Variants in RARB observed in about 807,000 individuals in gnomAD.
The protein encoded by RARB is retinoic acid receptor beta, also known as HBV-activated protein.
Under a neutral mutation model 51.9 loss-of-function variants are expected in RARB, and 17 were observed. That is an observed-to-expected ratio of 0.33 (90% CI 0.22 to 0.49). The LOEUF is 0.49. Ranked by LOEUF, RARB falls within the 20% of genes least tolerant of loss-of-function variation. RARB has a pLI of 0.99. For synonymous variants in RARB, 215 were observed against 195.4 expected, an observed-to-expected ratio of 1.10 and a Z score of -0.84; for missense variants, 369 against 550.8, an observed-to-expected ratio of 0.67 and a Z score of 3.30.
chr3:25,420,471 G>A (rs935057923), intron 5 of RARB, among the ~76,000 whole-genome samples: 4 of 152,170 alleles, frequency 2.6e-5, no homozygotes, highest in African/African-American at 9.7e-5. Context: ...GCTCTCTCCA[G>A]CCACAACCTG....
At chr3:25,141,676 C>A (rs1232466645) in intron 4 of RARB, among the ~76,000 whole-genome samples, 8 of 152,122 alleles carry the variant, frequency 5.3e-5, no homozygotes, top group Non-Finnish European at 8.8e-5. Context: ...GCTTTCTGCA[C>A]CTGTATATTT....
rs142203367 is a variant in RARB at position 25,403,775 on chromosome 3, G to A, written c.179-57418G>A. ...AATCTGGCTTCTTTGACATTTGAGC[G>A]CTATTATTTAGCACTGTTACTTTCA... On this transcript the variant is annotated intron_variant, in intron 5 of 11. Coordinates refer to the RARB transcript ENST00000383772. 6.3e-3 allele frequency among the ~76,000 whole-genome samples: 925 copies of A among 147,230 alleles called. 6 individuals are homozygous for A. Among genetic ancestry groups the A allele is most frequent in the Middle Eastern group, 0.026 (7 of 272 alleles).
At chr3:25,175,277 G>T (rs1230145846) in intron 5 of RARB, among the ~76,000 whole-genome samples, 1 of 152,200 alleles carries the variant, frequency 6.6e-6, no homozygotes, top group African/African-American at 2.4e-5. Flanking sequence ...GTGGTAGCCA[G>T]CGAGCTTTTC....
At chr3:25,182,573 A>G (rs1021913904) in intron 5 of RARB, among the ~76,000 whole-genome samples, 2 of 152,206 alleles carry the variant, frequency 1.3e-5, no homozygotes, top group African/African-American at 4.8e-5. Context: ...TTTAACACAT[A>G]AGGGTTGTGT....
chr3:25,109,600 T>C (rs969761177), intron 3 of RARB, among the ~76,000 whole-genome samples: 1 of 152,222 alleles, frequency 6.6e-6, no homozygotes, highest in Admixed American at 6.5e-5. Flanking sequence ...CTCTCTGTTT[T>C]GTCTTGCTGA....
At chr3:25,153,301 C>G (rs1700322345) in intron 4 of RARB, among the ~76,000 whole-genome samples, 1 of 152,160 alleles carries the variant, frequency 6.6e-6, no homozygotes, top group South Asian at 2.1e-4. Flanking sequence ...CATCCGCAGA[C>G]TTTTAACAAG....
At chr3:25,224,700 T>G (rs151249196) in intron 5 of RARB, among the ~76,000 whole-genome samples, 2 of 152,114 alleles carry the variant, frequency 1.3e-5, no homozygotes, top group South Asian at 4.1e-4. Context: ...CTCAACCTCC[T>G]GGGCTCAAGC....
At chr3:24,934,372 A>G (rs953979623) in intron 2 of RARB, among the ~76,000 whole-genome samples, 4 of 152,148 alleles carry the variant, frequency 2.6e-5, no homozygotes, top group Non-Finnish European at 5.9e-5. Flanking sequence ...TTTTTCTGGT[A>G]AGAATAGCTC....
At chr3:24,892,077 G>C (rs541807516) in intron 2 of RARB, among the ~76,000 whole-genome samples, 1 of 152,088 alleles carries the variant, frequency 6.6e-6, no homozygotes, top group Non-Finnish European at 1.5e-5. Flanking sequence ...CAGATGATGG[G>C]TTAAGCCATC....
At chr3:25,088,058 G>C (rs1012730746) in intron 3 of RARB, among the ~76,000 whole-genome samples, 1 of 151,894 alleles carries the variant, frequency 6.6e-6, no homozygotes, top group South Asian at 2.1e-4. Context: ...TGCTAGCAAA[G>C]AAACCAAAAA....
At chr3:25,191,582 G>T (rs1317766076) in intron 5 of RARB, among the ~76,000 whole-genome samples, 1 of 152,126 alleles carries the variant, frequency 6.6e-6, no homozygotes, top group Admixed American at 6.6e-5. Context: ...TAAGTGAAAA[G>T]ATCCATATTG....
chr3:25,077,848 G>A (rs779606607), intron 3 of RARB, among the ~76,000 whole-genome samples: 5 of 152,164 alleles, frequency 3.3e-5, no homozygotes, highest in African/African-American at 7.2e-5. Context: ...TCTCACCAAC[G>A]TGCATTATTG....
chr3:25,553,360 T>G (rs1407939786), intron 3 of RARB, among the ~76,000 whole-genome samples: 1 of 152,200 alleles, frequency 6.6e-6, no homozygotes, highest in East Asian at 1.9e-4. Context: ...AACTTTTCTT[T>G]AGAGAACTCT....
chr3:25,321,107 T>A (rs1704557514), intron 5 of RARB, among the ~76,000 whole-genome samples: 4 of 152,192 alleles, frequency 2.6e-5, no homozygotes, highest in Non-Finnish European at 5.9e-5. Flanking sequence ...GCAGATCTTT[T>A]TCAGTACAAG....
Position 24,976,904 on chromosome 3 carries a change from T to C in RARB, c.-379-83221T>C, listed in dbSNP as rs149985980. ...TTTTTATGGTTTGAGGTCTAACATT[T>C]AAGTCTTTAATCCATCTTGAATTAA... On this transcript the variant is annotated intron_variant, in intron 2 of 11. Coordinates refer to the RARB transcript ENST00000383772. Among the ~76,000 whole-genome samples, 251 of 152,358 alleles carry C rather than the reference T, an allele frequency of 1.6e-3. 1 individual carries two copies. In the East Asian group the frequency reaches 0.036, roughly 22 times the overall value.
intron 3 of RARB, among the ~76,000 whole-genome samples, chr3:25,098,457 G>A (rs1421243895): frequency 6.6e-6 from 1 of 152,186 alleles, no homozygotes; most frequent in Non-Finnish European, 1.5e-5. Context: ...GGTGCAGAGT[G>A]AGAGCAATTC....
chr3:25,456,035 C>G (rs1198873845), intron 1 of RARB, among the ~76,000 whole-genome samples: 1 of 150,734 alleles, frequency 6.6e-6, no homozygotes, highest in Non-Finnish European at 1.5e-5. Context: ...TTTGGCCTGC[C>G]TGAGATCGCT....
At chr3:25,258,979 A>G in intron 5 of RARB, 1 of 964,404 alleles carries the variant, frequency 1.0e-6, no homozygotes, top group Non-Finnish European at 1.2e-6. Context: ...CCTCAGCCTG[A>G]GTTTTGCTGG....
intron 4 of RARB, among the ~76,000 whole-genome samples, chr3:25,147,287 G>T (rs1225342693): frequency 6.6e-6 from 1 of 152,024 alleles, no homozygotes; most frequent in Non-Finnish European, 1.5e-5. Flanking sequence ...AATATGACTT[G>T]TTCTACCGGT....
Sources: allele counts gnomAD v4.1 joint callset (sites outside exome capture counted in the v4.1 genomes callset), GRCh38; gene constraint gnomAD v4.1.1; transcripts MANE v1.5; gene names NCBI Gene and HGNC (gene_info 2026-07-23, HGNC 2026-07-21).